ATP6V1H: variants seen among roughly 807,000 people sequenced by gnomAD.
ATP6V1H encodes V-type proton ATPase subunit H.
In ATP6V1H, 39 loss-of-function variants were observed where a neutral mutation model predicts 71.7. The ratio of observed to expected loss-of-function variants is 0.54; its 90% confidence interval spans 0.42 to 0.71. The LOEUF is 0.71. Ranked by LOEUF, ATP6V1H falls within the 30% of genes least tolerant of loss-of-function variation. ATP6V1H has a pLI of 0.00. For synonymous variants in ATP6V1H, 192 were observed against 199.3 expected, an observed-to-expected ratio of 0.96 and a Z score of 0.31; for missense variants, 509 against 594.9, an observed-to-expected ratio of 0.86 and a Z score of 1.50.
chr8:53,833,416 A>C (rs1811069475), intron 2 of ATP6V1H, among the ~76,000 whole-genome samples: 1 of 152,144 alleles, frequency 6.6e-6, no homozygotes, highest in Admixed American at 6.5e-5. Flanking sequence ...GTCACCTCTC[A>C]GCATTACCCA....
chr8:53,817,634 T>G, intron 4 of ATP6V1H, 104 bp from the exon 5 acceptor site: 3 of 695,490 alleles, frequency 4.3e-6, no homozygotes, highest in Non-Finnish European at 7.3e-6. Context: ...TGTTCTTTTT[T>G]CAGTGTGTGT....
chr8:53,725,706 C>T (rs1366585134), intron 13 of ATP6V1H, among the ~76,000 whole-genome samples: 1 of 151,670 alleles, frequency 6.6e-6, no homozygotes, highest in Non-Finnish European at 1.5e-5. Flanking sequence ...ATTAGGACCA[C>T]ATAATACTAT....
At chr8:53,731,142 C>T (rs1329210199) in intron 13 of ATP6V1H, among the ~76,000 whole-genome samples, 1 of 152,106 alleles carries the variant, frequency 6.6e-6, no homozygotes, top group East Asian at 1.9e-4. Flanking sequence ...TCACAGGGTG[C>T]CTTTGCCTGA....
rs1257551634 is a variant in ATP6V1H, at chr8:53,782,257, A to G, written c.871-10090T>C. On this transcript the variant is annotated intron_variant, in intron 9 of 13. Transcript: ENST00000359530. ...AGTTCTCCTTGAAGAGGTCCTTCAC[A>G]TCCCTTGTAAGTTAGATTCCTAGGT... 2.1e-3 allele frequency among the ~76,000 whole-genome samples: 313 copies of G among 152,044 alleles called. 2 individuals are homozygous for G. The highest frequency in any genetic ancestry group is 7.3e-3 in the African/African-American group (302 of 41,410).
chr8:53,782,829 T>C (rs1473156817), intron 9 of ATP6V1H, among the ~76,000 whole-genome samples: 1 of 152,246 alleles, frequency 6.6e-6, no homozygotes, highest in Non-Finnish European at 1.5e-5. Flanking sequence ...GTTCTGTTTA[T>C]ATGCTAGATT....
Position 53,831,409 on chromosome 8 carries a change from G to A in ATP6V1H, c.216+1575C>T, listed in dbSNP as rs186233758. 2.2e-4 allele frequency among the ~76,000 whole-genome samples: 33 copies of A among 152,332 alleles called. 1 individual carries two copies. Among genetic ancestry groups the A allele is most frequent in the Admixed American group, 1.9e-3 (29 of 15,300 alleles). On this transcript the variant is annotated intron_variant, in intron 3 of 13. Coordinates refer to ENST00000359530, the MANE Select transcript of ATP6V1H (RefSeq NM_015941.4). ...GAAAACGTGCAGTAAAAACATGGTAGTATAATCTTACAAGACCGCTATTAC... is the reference window on the plus strand; with the variant it reads ...GAAAACGTGCAGTAAAAACATGGTAATATAATCTTACAAGACCGCTATTAC...
intron 12 of ATP6V1H, among the ~76,000 whole-genome samples, chr8:53,753,932 C>T (rs1345928417): frequency 3.9e-5 from 6 of 152,044 alleles, no homozygotes; most frequent in South Asian, 2.1e-4. Context: ...CTCCTGGGTC[C>T]GAGACAAAGG....
At chr8:53,779,422 TAGTCAAA>T (rs1809014175) in intron 9 of ATP6V1H, among the ~76,000 whole-genome samples, 1 of 151,772 alleles carries the variant, frequency 6.6e-6, no homozygotes, top group East Asian at 1.9e-4. Flanking sequence ...ATGTAATCCA[TAGTCAAA>T]GAAGAAATCA....
intron 4 of ATP6V1H, among the ~76,000 whole-genome samples, chr8:53,818,046 T>C (rs1378683110): frequency 6.6e-6 from 1 of 152,214 alleles, no homozygotes; most frequent in South Asian, 2.1e-4. Flanking sequence ...GAAAACAGCA[T>C]ATACTACCAG....
intron 5 of ATP6V1H, among the ~76,000 whole-genome samples, chr8:53,817,040 T>C (rs758279923): frequency 3.9e-5 from 6 of 152,122 alleles, no homozygotes; most frequent in Non-Finnish European, 7.4e-5. Flanking sequence ...CAACTCCCAA[T>C]GTCCTTTCTC....
intron 1 of ATP6V1H, chr8:53,842,549 C>T (rs1329047243): frequency 6.6e-6 from 1 of 152,210 alleles, no homozygotes; most frequent in Non-Finnish European, 1.5e-5. Context: ...CAATTTGGAA[C>T]TTAATCTCTG....
intron 9 of ATP6V1H, among the ~76,000 whole-genome samples, chr8:53,775,485 A>G (rs1290125048): frequency 6.6e-6 from 1 of 152,156 alleles, no homozygotes; most frequent in East Asian, 1.9e-4. Context: ...GTGGTTTACA[A>G]TCCCTGAGCT....
intron 9 of ATP6V1H, among the ~76,000 whole-genome samples, chr8:53,783,213 T>A (rs1209150461): frequency 1.3e-5 from 2 of 152,192 alleles, no homozygotes; most frequent in South Asian, 4.1e-4. Flanking sequence ...ATTGCCTCAA[T>A]TTCAGAGCCT....
chr8:53,786,904 C>T (rs1354666057), intron 9 of ATP6V1H, among the ~76,000 whole-genome samples: 2 of 152,158 alleles, frequency 1.3e-5, no homozygotes, highest in Non-Finnish European at 2.9e-5. Context: ...CGAAAACCAT[C>T]GGTGGTGAAG....
intron 12 of ATP6V1H, among the ~76,000 whole-genome samples, chr8:53,754,964 C>T (rs1274543997): frequency 1.3e-5 from 2 of 152,200 alleles, no homozygotes; most frequent in Non-Finnish European, 2.9e-5. Flanking sequence ...AGTACAGAGC[C>T]GTTGACTGGC....
chr8:53,776,273 G>GGGCTAGTT (rs1808887025), intron 9 of ATP6V1H, among the ~76,000 whole-genome samples: 1 of 152,188 alleles, frequency 6.6e-6, no homozygotes, highest in Non-Finnish European at 1.5e-5. Context: ...TCCCGCTCGT[G>GGGCTAGTT]CCTCTCCCTC....
At position 53,778,695 on chromosome 8, in the gene ATP6V1H, G is replaced by T. The variant is rs185614879; in HGVS notation, c.871-6528C>A. Among the ~76,000 whole-genome samples the T allele has an allele frequency of 6.0e-3, 911 of 152,264 alleles. 39 individuals are homozygous for T. The highest frequency in any genetic ancestry group is 0.056 in the Admixed American group (863 of 15,294). On this transcript the variant is annotated intron_variant, in intron 9 of 13. Coordinates refer to ENST00000359530, the MANE Select transcript of ATP6V1H (RefSeq NM_015941.4). ...CAGATAAGCAAACAGAAAACAAAGAGTAAAATGGTAGGCCTAAATCCAATC... is the reference window on the plus strand; with the variant it reads ...CAGATAAGCAAACAGAAAACAAAGATTAAAATGGTAGGCCTAAATCCAATC...
chr8:53,770,272 T>C (rs1159244374), intron 10 of ATP6V1H, among the ~76,000 whole-genome samples: 1 of 152,152 alleles, frequency 6.6e-6, no homozygotes, highest in Non-Finnish European at 1.5e-5. Context: ...ATTAATTGAA[T>C]TAATCCATTA....
intron 13 of ATP6V1H, among the ~76,000 whole-genome samples, chr8:53,718,780 C>A (rs1422329643): frequency 6.6e-6 from 1 of 152,172 alleles, no homozygotes; most frequent in East Asian, 1.9e-4. Context: ...AAAATCAGCA[C>A]CTCCTTTCTT....
Sources: gnomAD v4.1 joint callset for allele counts (sites outside exome capture counted in the v4.1 genomes callset) on GRCh38, gnomAD v4.1.1 for gene constraint, MANE v1.5 for transcripts, NCBI Gene and HGNC (gene_info 2026-07-23, HGNC 2026-07-21) for gene names.